The following SFXN5 variants were observed in gnomAD, a reference collection of about 807,000 sequenced individuals.
SFXN5 encodes sideroflexin-5.
A neutral mutation model predicts 50.2 loss-of-function variants in SFXN5; 43 were observed. The observed-to-expected ratio is 0.86, with a 90% CI of 0.67 to 1.11. SFXN5 has a LOEUF of 1.11. SFXN5 is among the 50% of genes least tolerant of loss of function. The probability of loss-of-function intolerance (pLI) is 0.00; values close to 1 mark genes in which losing one functional copy is unlikely to be tolerated. For missense variants in SFXN5, 463 were observed against 454.1 expected, an observed-to-expected ratio of 1.02 and a Z score of -0.18; for synonymous variants, 203 against 185.8, an observed-to-expected ratio of 1.09 and a Z score of -0.75.
intron 10 of SFXN5, among the ~76,000 whole-genome samples, chr2:72,981,539 G>A (rs1380749851): frequency 2.0e-5 from 3 of 152,178 alleles, no homozygotes; most frequent in African/African-American, 7.2e-5. Flanking sequence ...TGGTGTCCCT[G>A]TTTTTTGAAT....
rs1052126789 is a variant in SFXN5, at chr2:72,950,956, C to T, written c.946-5857G>A. 2.0e-5 allele frequency among the ~76,000 whole-genome samples: 3 copies of T among 152,104 alleles called. No homozygotes were observed. The highest frequency in any genetic ancestry group is 4.8e-5 in the African/African-American group (2 of 41,428). ...CCAGGCCCAGGCAGCCAGCTCGGGG[C>T]GGGCTGGAATCCGTGGGCCCATCAT... On this transcript the variant is annotated intron_variant, in intron 13 of 13. Coordinates refer to ENST00000272433, the MANE Select transcript of SFXN5 (RefSeq NM_144579.3). The surrounding 1 kb of genome is among the most constrained non-coding windows in gnomAD (Gnocchi z 4.2).
chr2:73,006,354 G>C (rs370061089), intron 6 of SFXN5, among the ~76,000 whole-genome samples: 2 of 152,288 alleles, frequency 1.3e-5, no homozygotes, highest in South Asian at 4.1e-4. Context: ...AGGCACGGTG[G>C]CTCACGCCTG....
intron 12 of SFXN5, among the ~76,000 whole-genome samples, chr2:72,963,256 AAAAG>A (rs1374981069): frequency 6.6e-6 from 1 of 152,182 alleles, no homozygotes; most frequent in African/African-American, 2.4e-5. Flanking sequence ...AAGGGTGAGA[AAAAG>A]AAAGAGAGAC....
chr2:72,970,612 G>A (rs1201283062), intron 11 of SFXN5, among the ~76,000 whole-genome samples: 2 of 151,886 alleles, frequency 1.3e-5, no homozygotes, highest in African/African-American at 4.8e-5. Context: ...AGACCAGGGG[G>A]CAGCAAGACG....
intron 3 of SFXN5, among the ~76,000 whole-genome samples, chr2:73,034,296 C>T (rs934314645): frequency 1.3e-5 from 2 of 152,228 alleles, no homozygotes; most frequent in African/African-American, 4.8e-5. Context: ...TGCTAGGAGT[C>T]AGGGTAAGAC....
chr2:73,056,421 T>A (rs1035448117), intron 2 of SFXN5, among the ~76,000 whole-genome samples: 1 of 151,554 alleles, frequency 6.6e-6, no homozygotes, highest in Non-Finnish European at 1.5e-5. Flanking sequence ...CGCAGTGGCT[T>A]ACGCCTGTAA....
At chr2:73,071,296 C>A (rs1484893082) in intron 1 of SFXN5, 7 of 389,374 alleles carry the variant, frequency 1.8e-5, no homozygotes, top group Admixed American at 4.6e-5. Context: ...CGAAGCCGGG[C>A]GCTCGGGACC....
chr2:72,980,211 G>A (rs1671116610), intron 10 of SFXN5, among the ~76,000 whole-genome samples: 1 of 151,922 alleles, frequency 6.6e-6, no homozygotes, highest in Admixed American at 6.6e-5. Flanking sequence ...GGTGTAAAAG[G>A]GGAAATAATA....
At chr2:73,039,074 T>C (rs1679293812) in intron 3 of SFXN5, among the ~76,000 whole-genome samples, 2 of 152,184 alleles carry the variant, frequency 1.3e-5, no homozygotes, top group African/African-American at 4.8e-5. Flanking sequence ...ATTACAAACA[T>C]GTACCACTAT....
intron 6 of SFXN5, 84 bp from the exon 7 acceptor site, chr2:73,001,662 G>T (rs1673933608): frequency 7.7e-7 from 1 of 1,291,346 alleles, no homozygotes; most frequent in Non-Finnish European, 1.1e-6. Flanking sequence ...TACCACAAAT[G>T]AGTGAGCTGG....
At position 72,961,576 on chromosome 2, in the gene SFXN5, G is replaced by C. The variant is rs1673754037; in HGVS notation, c.828-328C>G. Among the ~76,000 whole-genome samples the C allele has an allele frequency of 6.6e-6, 1 of 152,204 alleles. No homozygotes were observed. The highest frequency in any genetic ancestry group is 2.1e-4 in the South Asian group (1 of 4,830). Reference sequence around the variant, plus strand: ...CGTGCCAAGAAGGCCCTATGTGGGAGAGACACTCAAAGAGGCTGTCGGCCC... The same window carrying C: ...CGTGCCAAGAAGGCCCTATGTGGGACAGACACTCAAAGAGGCTGTCGGCCC... On this transcript the variant is annotated intron_variant, in intron 12 of 13. Coordinates refer to ENST00000272433, the MANE Select transcript of SFXN5 (RefSeq NM_144579.3). The surrounding 1 kb of genome is among the most constrained non-coding windows in gnomAD (Gnocchi z 4.4).
intron 9 of SFXN5, chr2:72,998,667 C>T (rs1673540786): frequency 1.3e-5 from 6 of 453,476 alleles, no homozygotes; most frequent in Non-Finnish European, 2.4e-5. Context: ...GAGCAGAGTG[C>T]TGGGCAACCG....
Position 72,968,165 on chromosome 2 carries a change from ACAC to A in SFXN5, c.827+280_827+282del, listed in dbSNP as rs1473636255. Among the ~76,000 whole-genome samples, 384 of 148,562 alleles carry A rather than the reference ACAC, an allele frequency of 2.6e-3. 4 individuals are homozygous for A. The highest frequency in any genetic ancestry group is 8.1e-3 in the African/African-American group (330 of 40,494). Reference sequence around the variant, plus strand: ...CACACACACACACACACACACACACACACAACTGCCAGCTCCTCAGGGGAGGGC... The same window carrying A: ...CACACACACACACACACACACACACAAACTGCCAGCTCCTCAGGGGAGGGC... On this transcript the variant is annotated intron_variant, in intron 12 of 13. Coordinates refer to ENST00000272433, the MANE Select transcript of SFXN5 (RefSeq NM_144579.3).
rs1012278552 is a variant in SFXN5, at chr2:72,960,772, C to T, written c.945+359G>A. On this transcript the variant is annotated intron_variant, in intron 13 of 13. Coordinates refer to ENST00000272433, the MANE Select transcript of SFXN5 (RefSeq NM_144579.3). The surrounding 1 kb of genome is among the most constrained non-coding windows in gnomAD (Gnocchi z 6.1). ...TCTCAGAACCTTCACACCAGGTGTC[C>T]GCGGACCTCACATCTCCCCCCGCCA... Among the ~76,000 whole-genome samples the T allele has an allele frequency of 5.3e-5, 8 of 152,232 alleles. No homozygotes were observed. The highest frequency in any genetic ancestry group is 2.6e-4 in the Admixed American group (4 of 15,294).
intron 2 of SFXN5, among the ~76,000 whole-genome samples, chr2:73,046,083 T>G (rs1436622115): frequency 7.1e-6 from 1 of 141,844 alleles, no homozygotes; most frequent in Non-Finnish European, 1.5e-5. Context: ...CTCTTGGAAT[T>G]TACTCTAAAA....
At chr2:73,043,278 A>T (rs1045552250) in intron 2 of SFXN5, among the ~76,000 whole-genome samples, 2 of 152,220 alleles carry the variant, frequency 1.3e-5, no homozygotes, top group African/African-American at 2.4e-5. Flanking sequence ...ACCTCAACAT[A>T]AGCCCCTTAG....
rs551441257 is a variant in SFXN5, at chr2:72,995,378, G to A, written c.534+3571C>T. On this transcript the variant is annotated intron_variant, in intron 9 of 13. Transcript: ENST00000272433. ...CAGACATTGCCAAATCTATTTAGAA[G>A]GTTCACCAAGAGGCTGCTAATCCCA... 3.9e-5 allele frequency among the ~76,000 whole-genome samples: 6 copies of A among 152,338 alleles called. No individual in the cohort carries two copies. In the South Asian group the frequency reaches 1.2e-3, roughly 32 times the overall value.
chr2:73,070,117 G>A (rs1049529036), intron 1 of SFXN5, among the ~76,000 whole-genome samples: 1 of 152,200 alleles, frequency 6.6e-6, no homozygotes, highest in Non-Finnish European at 1.5e-5. Flanking sequence ...CAGAGAGGCA[G>A]GCCCGACTGA....
chr2:72,980,231 T>C (rs2105512068), intron 10 of SFXN5, among the ~76,000 whole-genome samples: 1 of 151,938 alleles, frequency 6.6e-6, no homozygotes, highest in Non-Finnish European at 1.5e-5. Flanking sequence ...AAAAAGTAAG[T>C]CTCCTTCCCA....
Sources: gnomAD v4.1 joint callset for allele counts (sites outside exome capture counted in the v4.1 genomes callset) on GRCh38, gnomAD v4.1.1 for gene constraint, Gnocchi (gnomAD v3.1) non-coding constraint, MANE v1.5 for transcripts, NCBI Gene and HGNC (gene_info 2026-07-23, HGNC 2026-07-21) for gene names.